The following MAGI2 variants were observed in gnomAD, a reference collection of about 807,000 sequenced individuals.
The protein encoded by MAGI2 is membrane associated guanylate kinase, WW and PDZ domain containing 2.
A neutral mutation model predicts 133.3 loss-of-function variants in MAGI2; 35 were observed. The ratio of observed to expected loss-of-function variants is 0.26; its 90% CI spans 0.20 to 0.35. MAGI2 has a LOEUF of 0.35. Among genes scored for constraint, MAGI2 ranks in the 10% least tolerant of loss-of-function variants. The probability of loss-of-function intolerance (pLI) is 1.00; values close to 1 mark genes in which losing one functional copy is unlikely to be tolerated. For missense variants in MAGI2, 1,636 were observed against 1,863.4 expected, an observed-to-expected ratio of 0.88 and a Z score of 2.25; for synonymous variants, 729 against 710.6, an observed-to-expected ratio of 1.03 and a Z score of -0.41.
At chr7:79,028,314 CACACATAT>C (rs1788401900) in intron 1 of MAGI2, among the ~76,000 whole-genome samples, 1 of 19,342 alleles carries the variant, frequency 5.2e-5, no homozygotes, top group African/African-American at 1.5e-4. Flanking sequence ...TATATATATA[CACACATAT>C]ATATACATAT....
At chr7:78,865,380 T>C (rs1203644849) in intron 2 of MAGI2, among the ~76,000 whole-genome samples, 1 of 152,086 alleles carries the variant, frequency 6.6e-6, no homozygotes, top group East Asian at 1.9e-4. Context: ...AAAGGAAATT[T>C]GAGGGACTGA....
chr7:78,309,238 G>A (rs1798489604), intron 9 of MAGI2, among the ~76,000 whole-genome samples: 1 of 152,158 alleles, frequency 6.6e-6, no homozygotes, highest in Non-Finnish European at 1.5e-5. Flanking sequence ...ACATGCATTT[G>A]TATGTTCACT....
intron 1 of MAGI2, among the ~76,000 whole-genome samples, chr7:79,266,238 C>T (rs1834447357): frequency 8.0e-6 from 1 of 124,810 alleles, no homozygotes; most frequent in Non-Finnish European, 1.7e-5. Context: ...CCCTGCCCAC[C>T]CCACCCCCAC....
intron 2 of MAGI2, among the ~76,000 whole-genome samples, chr7:78,636,597 G>T (rs1361949652): frequency 6.6e-6 from 1 of 152,088 alleles, no homozygotes; most frequent in Non-Finnish European, 1.5e-5. Flanking sequence ...AGGAGATAGA[G>T]ACCATCCTGG....
intron 3 of MAGI2, among the ~76,000 whole-genome samples, chr7:78,608,459 A>ATGTGTGTG (rs10649002): frequency 2.7e-5 from 4 of 147,126 alleles, no homozygotes; most frequent in African/African-American, 1.0e-4. Context: ...GTATATATAT[A>ATGTGTGTG]TGTGTGTGTA....
chr7:78,466,599 T>C (rs749263722), intron 6 of MAGI2, among the ~76,000 whole-genome samples: 1 of 152,212 alleles, frequency 6.6e-6, no homozygotes, highest in Non-Finnish European at 1.5e-5. Flanking sequence ...TTTTGTGCTT[T>C]AAAATGACAG....
At chr7:78,799,911 A>G (rs1787921429) in intron 2 of MAGI2, among the ~76,000 whole-genome samples, 1 of 152,154 alleles carries the variant, frequency 6.6e-6, no homozygotes, top group Admixed American at 6.5e-5. Context: ...AACGTCAGCT[A>G]TAGTGATGGA....
intron 1 of MAGI2, among the ~76,000 whole-genome samples, chr7:79,237,321 C>A (rs1365534426): frequency 6.6e-6 from 1 of 152,088 alleles, no homozygotes. Context: ...GGTGAAACCC[C>A]GTCTCTACTA....
At chr7:78,830,115 T>C (rs1377988483) in intron 2 of MAGI2, among the ~76,000 whole-genome samples, 1 of 152,128 alleles carries the variant, frequency 6.6e-6, no homozygotes, top group Non-Finnish European at 1.5e-5. Flanking sequence ...AAATGGGTTT[T>C]TGCTTTTGGT....
chr7:78,664,375 G>A (rs1418846227), intron 2 of MAGI2, among the ~76,000 whole-genome samples: 1 of 151,888 alleles, frequency 6.6e-6, no homozygotes, highest in African/African-American at 2.4e-5. Context: ...TGTAATGTTG[G>A]TGTAGAAACA....
chr7:78,709,535 T>C (rs908450187), intron 2 of MAGI2, among the ~76,000 whole-genome samples: 2 of 152,178 alleles, frequency 1.3e-5, no homozygotes, highest in Non-Finnish European at 2.9e-5. Context: ...ACTTTTCCCA[T>C]GTCTGTGGCC....
chr7:78,375,797 TG>T (rs61229298), intron 6 of MAGI2, among the ~76,000 whole-genome samples: 123,578 of 151,400 alleles, frequency 0.82, 50,547 homozygotes, highest in Admixed American at 0.85. Flanking sequence ...TAAATTTTCT[TG>T]TAAAAGTTAT....
intron 2 of MAGI2, among the ~76,000 whole-genome samples, chr7:78,736,452 C>T (rs1821856279): frequency 6.6e-6 from 1 of 152,058 alleles, no homozygotes; most frequent in South Asian, 2.1e-4. Context: ...CTTAAATGTC[C>T]AAACAATATG....
At chr7:78,112,468 G>A (rs1013079278) in intron 20 of MAGI2, among the ~76,000 whole-genome samples, 4 of 152,154 alleles carry the variant, frequency 2.6e-5, no homozygotes, top group African/African-American at 9.7e-5. Context: ...GAACAGGGAC[G>A]ATGTATTTAC....
intron 5 of MAGI2, among the ~76,000 whole-genome samples, chr7:78,500,657 G>A (rs1794539721): frequency 6.6e-6 from 1 of 152,166 alleles, no homozygotes; most frequent in South Asian, 2.1e-4. Flanking sequence ...AGAAGTTCAG[G>A]ATTTGCACTA....
At chr7:78,967,990 C>T (rs755657958) in intron 2 of MAGI2, among the ~76,000 whole-genome samples, 10 of 151,944 alleles carry the variant, frequency 6.6e-5, no homozygotes, top group Admixed American at 2.0e-4. Flanking sequence ...ACCACCATGT[C>T]GAGCTAATTT....
intron 3 of MAGI2, among the ~76,000 whole-genome samples, chr7:78,547,090 A>G (rs537744373): frequency 1.3e-5 from 2 of 152,304 alleles, no homozygotes; most frequent in East Asian, 3.9e-4. Context: ...TAATGAAACC[A>G]ATTTTACTAC....
chr7:78,226,768 A>C (rs1789432135), intron 10 of MAGI2, among the ~76,000 whole-genome samples: 1 of 152,248 alleles, frequency 6.6e-6, no homozygotes, highest in Non-Finnish European at 1.5e-5. Flanking sequence ...TGTGAGGCTT[A>C]TGAACATATA....
chr7:78,425,528 T>C (rs1005317053), intron 6 of MAGI2, among the ~76,000 whole-genome samples: 3 of 152,210 alleles, frequency 2.0e-5, no homozygotes, highest in African/African-American at 7.2e-5. Context: ...GCTAGACATC[T>C]GTATGTGCTC....
Sources: gnomAD v4.1 joint callset for allele counts (sites outside exome capture counted in the v4.1 genomes callset) on GRCh38, gnomAD v4.1.1 for gene constraint, MANE v1.5 for transcripts, NCBI Gene and HGNC (gene_info 2026-07-23, HGNC 2026-07-21) for gene names.